The following CAMK2B variants were observed in gnomAD, a reference collection of about 807,000 sequenced individuals.
CAMK2B encodes calcium/calmodulin dependent protein kinase II beta.
In CAMK2B, 27 loss-of-function variants were observed where a neutral mutation model predicts 93.7. That is an observed-to-expected ratio of 0.29 (90% CI 0.21 to 0.40). The LOEUF (loss-of-function observed/expected upper bound fraction) is 0.40, where lower values mean the gene tolerates loss of function less well. Among genes scored for constraint, CAMK2B ranks in the 10% least tolerant of loss-of-function variants. The probability of loss-of-function intolerance (pLI) is 1.00; values close to 1 mark genes in which losing one functional copy is unlikely to be tolerated. For synonymous variants in CAMK2B, 374 were observed against 358.8 expected (o/e 1.04, Z -0.48); for missense variants, 568 against 895.8 (o/e 0.63, Z 4.67).
intron 1 of CAMK2B, among the ~76,000 whole-genome samples, chr7:44,285,844 GGGGGGGACACGGCGT>G: frequency 1.0e-5 from 1 of 95,678 alleles, no homozygotes. Flanking sequence ...GGCGCGGTGT[GGGGGGGACACGGCGT>G]GGGGGGCGCG....
intron 2 of CAMK2B, among the ~76,000 whole-genome samples, chr7:44,279,896 A>G (rs1034523154): frequency 2.6e-5 from 4 of 152,150 alleles, no homozygotes; most frequent in African/African-American, 9.7e-5. Flanking sequence ...CCCATGCAAC[A>G]CAACTTTTGG....
intron 2 of CAMK2B, among the ~76,000 whole-genome samples, chr7:44,266,432 C>T (rs1255296002): frequency 6.6e-6 from 1 of 152,244 alleles, no homozygotes; most frequent in Non-Finnish European, 1.5e-5. Context: ...TGAACCCAAT[C>T]CAGTGCATAA....
chr7:44,231,548 G>A (rs2096579466), intron 16 of CAMK2B, among the ~76,000 whole-genome samples: 1 of 152,254 alleles, frequency 6.6e-6, no homozygotes, highest in South Asian at 2.1e-4. Context: ...GGACTGGCTG[G>A]TTCCAATGAA....
intron 1 of CAMK2B, 86 bp downstream of exon 1, chr7:44,325,271 G>C (rs1797240931): frequency 1.3e-6 from 1 of 766,470 alleles, no homozygotes; most frequent in Non-Finnish European, 1.6e-6. Flanking sequence ...GGCCCGCAGT[G>C]CGCCTGGAGC....
intron 21 of CAMK2B, 24 bp downstream of exon 21, chr7:44,220,802 C>T (rs374455632): frequency 3.3e-5 from 52 of 1,557,572 alleles, no homozygotes; most frequent in Admixed American, 1.3e-4. Flanking sequence ...CCTGCACAGC[C>T]CCCCCCCAGC....
At chr7:44,290,738 G>A (rs1197510108) in intron 1 of CAMK2B, among the ~76,000 whole-genome samples, 2 of 152,218 alleles carry the variant, frequency 1.3e-5, no homozygotes, top group Non-Finnish European at 2.9e-5. Flanking sequence ...CTTGACCTAA[G>A]CAATTTGGTG....
Position 44,271,947 on chromosome 7 carries a change from AT to A in CAMK2B, c.161-8884del, listed in dbSNP as rs1201712924. ...CTCTGGGCAGGCCTGTGAGCTGCTC[AT>A]GGCACCCATGAAACAGGGCTGTTGC... On this transcript the variant is annotated intron_variant, in intron 2 of 23. Transcript: ENST00000395749. The surrounding 1 kb of genome is among the most constrained non-coding windows in gnomAD (Gnocchi z 4.2). 6.6e-6 allele frequency among the ~76,000 whole-genome samples: 1 copy of A among 152,194 alleles called. No homozygotes were observed. The highest frequency in any genetic ancestry group is 1.5e-5 in the Non-Finnish European group (1 of 68,024).
chr7:44,281,179 T>C (rs552501218), intron 2 of CAMK2B, among the ~76,000 whole-genome samples: 61 of 152,364 alleles, frequency 4.0e-4, no homozygotes, highest in African/African-American at 1.4e-3. Flanking sequence ...AGGGTGGCCG[T>C]GGGACCTGAG....
At position 44,286,885 on chromosome 7, in the gene CAMK2B, G is replaced by A. The variant is rs1006273208; in HGVS notation, c.66-2660C>T. Among the ~76,000 whole-genome samples the A allele has an allele frequency of 3.3e-5, 5 of 152,058 alleles. No homozygotes were observed. The highest frequency in any genetic ancestry group is 9.7e-5 in the African/African-American group (4 of 41,390). On this transcript the variant is annotated intron_variant, in intron 1 of 23. Transcript: ENST00000395749. This position sits in a 1 kb window ranked among gnomAD's most constrained non-coding sequence, Gnocchi z 4.0. Reference sequence around the variant, plus strand: ...GAGTGTGGAGTGGGAGCACCAGGCCGCACAGCTGTAGTGACATAGGATGTG... The same window carrying A: ...GAGTGTGGAGTGGGAGCACCAGGCCACACAGCTGTAGTGACATAGGATGTG...
intron 18 of CAMK2B, 65 bp downstream of exon 18, chr7:44,229,323 G>GC: frequency 9.1e-7 from 1 of 1,100,896 alleles, no homozygotes; most frequent in Non-Finnish European, 1.3e-6. Flanking sequence ...CTCTGGAGTG[G>GC]CCCCTCTAGG....
At position 44,239,969 on chromosome 7, in the gene CAMK2B, G is replaced by A. The variant is rs947634834; in HGVS notation, c.947-306C>T. On this transcript the variant is annotated intron_variant, in intron 12 of 23. Transcript: ENST00000395749. ...TTAGTGTTGGTGTGACCGTGTGCAC[G>A]CGTTCCCGGCATTACAGCATCACAG... is the stretch of plus-strand genomic sequence containing the variant. Among the ~76,000 whole-genome samples the A allele has an allele frequency of 3.3e-5, 5 of 152,316 alleles. No individual in the cohort carries two copies. In the South Asian group the frequency reaches 8.3e-4, roughly 25 times the overall value.
chr7:44,241,891 G>T, intron 10 of CAMK2B, 108 bp from the exon 11 acceptor site: 1 of 842,416 alleles, frequency 1.2e-6, no homozygotes, highest in Non-Finnish European at 1.9e-6. Flanking sequence ...AAGAGCCACC[G>T]GCCACCATTG....
intron 2 of CAMK2B, among the ~76,000 whole-genome samples, chr7:44,272,324 G>C (rs746124547): frequency 6.6e-6 from 1 of 152,126 alleles, no homozygotes; most frequent in Non-Finnish European, 1.5e-5. Context: ...TGTCGAAGGG[G>C]GTAGGCGGTG....
intron 15 of CAMK2B, 143 bp from the exon 16 acceptor site, chr7:44,233,009 G>A: frequency 1.4e-6 from 1 of 739,010 alleles, no homozygotes; most frequent in East Asian, 2.7e-5. Context: ...AGCAGAGTGG[G>A]GGACAGGGAT....
chr7:44,298,643 C>T (rs1011444656), intron 1 of CAMK2B, among the ~76,000 whole-genome samples: 3 of 152,074 alleles, frequency 2.0e-5, no homozygotes, highest in Admixed American at 1.3e-4. Context: ...TATCTGATGA[C>T]GGATAAATAT....
intron 19 of CAMK2B, among the ~76,000 whole-genome samples, chr7:44,227,666 A>G (rs190600506): frequency 1.2e-4 from 1 of 8,186 alleles, no homozygotes. Context: ...GAGTGTAGGG[A>G]ACAGAGGGGG....
chr7:44,237,198 C>A (rs573780556), intron 13 of CAMK2B, among the ~76,000 whole-genome samples: 15 of 152,362 alleles, frequency 9.8e-5, no homozygotes, highest in African/African-American at 2.6e-4. Flanking sequence ...AAGGAGGCAC[C>A]ACAGTTAGGC....
intron 1 of CAMK2B, among the ~76,000 whole-genome samples, chr7:44,288,588 C>A (rs2129128285): frequency 6.6e-6 from 1 of 152,204 alleles, no homozygotes; most frequent in Non-Finnish European, 1.5e-5. Context: ...ATCATGAGGC[C>A]CCCGGGCACC....
In CAMK2B at chr7:44,255,005, T is replaced by C. The variant is rs866040245; in HGVS notation, c.276-398A>G. ...GAGCTTTGTCTCAGGGTCTGCATTGTTACACCCAGGCCTTGTGACTCAAAT... is the reference window on the plus strand; with the variant it reads ...GAGCTTTGTCTCAGGGTCTGCATTGCTACACCCAGGCCTTGTGACTCAAAT... On this transcript the variant is annotated intron_variant, in intron 4 of 23. Coordinates refer to ENST00000395749, the MANE Select transcript of CAMK2B (RefSeq NM_001220.5). Among the ~76,000 whole-genome samples the C allele has an allele frequency of 1.9e-4, 29 of 152,054 alleles. No individual in the cohort carries two copies. The Middle Eastern group carries it at 0.01, about 54-fold the overall frequency.
Sources: gnomAD v4.1 joint callset for allele counts (sites outside exome capture counted in the v4.1 genomes callset) on GRCh38, gnomAD v4.1.1 for gene constraint, Gnocchi (gnomAD v3.1) non-coding constraint, MANE v1.5 for transcripts, NCBI Gene and HGNC (gene_info 2026-07-23, HGNC 2026-07-21) for gene names.